The following PEPD variants were observed in gnomAD, a reference collection of about 807,000 sequenced individuals.
PEPD encodes the protein xaa-Pro dipeptidase.
A neutral mutation model predicts 60.7 loss-of-function variants in PEPD; 53 were observed. The ratio of observed to expected loss-of-function variants is 0.87; its 90% CI spans 0.70 to 1.10. The LOEUF (loss-of-function observed/expected upper bound fraction) is 1.10. Among genes scored for constraint, PEPD ranks in the 50% least tolerant of loss-of-function variants. PEPD has a pLI of 0.00. For missense variants in PEPD, 711 were observed against 711.9 expected, an observed-to-expected ratio of 1.00 and a Z score of 0.01; for synonymous variants, 267 against 284.1, an observed-to-expected ratio of 0.94 and a Z score of 0.60.
chr19:33,450,234 C>T (rs1383972392), intron 9 of PEPD, among the ~76,000 whole-genome samples: 4 of 152,218 alleles, frequency 2.6e-5, no homozygotes, highest in African/African-American at 9.6e-5. Context: ...GCTAAGCAAG[C>T]CCCGGCTTGT....
chr19:33,456,053 C>T (rs1026973867), intron 9 of PEPD, among the ~76,000 whole-genome samples: 1 of 152,178 alleles, frequency 6.6e-6, no homozygotes, highest in African/African-American at 2.4e-5. Context: ...TGGCTGGACA[C>T]CAAGTTGGTT....
At chr19:33,514,940 C>G (rs1253317428) in intron 1 of PEPD, among the ~76,000 whole-genome samples, 2 of 152,110 alleles carry the variant, frequency 1.3e-5, no homozygotes, top group Non-Finnish European at 2.9e-5. Flanking sequence ...TCCTTAGTGG[C>G]CCCCTGGAGT....
chr19:33,507,722 G>A (rs764995940), intron 3 of PEPD, among the ~76,000 whole-genome samples: 10 of 152,128 alleles, frequency 6.6e-5, no homozygotes, highest in Non-Finnish European at 1.0e-4. Flanking sequence ...TTCCAGGAGC[G>A]GCTGGAAGCA....
At chr19:33,413,778 A>C in intron 9 of PEPD, 135 bp from the exon 10 acceptor site, 1 of 663,518 alleles carries the variant, frequency 1.5e-6, no homozygotes, top group South Asian at 1.6e-5. Flanking sequence ...CCAAACTCTC[A>C]GTGTGAGTCT....
At position 33,427,689 on chromosome 19, in the gene PEPD, C is replaced by T. The variant is rs553233046; in HGVS notation, c.672-14046G>A. ...AAATAATCCATTTTTAATTAAAATGCTACCCTCTTTTGGCTTCTGGATATA... is the reference window on the plus strand; with the variant it reads ...AAATAATCCATTTTTAATTAAAATGTTACCCTCTTTTGGCTTCTGGATATA... On this transcript the variant is annotated intron_variant, in intron 9 of 14. Coordinates refer to ENST00000244137, the MANE Select transcript of PEPD (RefSeq NM_000285.4). Among the ~76,000 whole-genome samples the T allele has an allele frequency of 3.3e-5, 5 of 152,288 alleles. No homozygotes were observed. The South Asian group carries it at 1.0e-3, about 32-fold the overall frequency.
chr19:33,478,660 G>A (rs1970264781), intron 6 of PEPD, among the ~76,000 whole-genome samples: 1 of 151,934 alleles, frequency 6.6e-6, no homozygotes, highest in Non-Finnish European at 1.5e-5. Flanking sequence ...AAGGCAGTGG[G>A]ATGACATTTA....
chr19:33,407,030 T>C (rs1331796820), intron 11 of PEPD, among the ~76,000 whole-genome samples: 1 of 152,168 alleles, frequency 6.6e-6, no homozygotes, highest in East Asian at 1.9e-4. Context: ...TGGCCAGTTC[T>C]GGAAGGACAG....
intron 1 of PEPD, among the ~76,000 whole-genome samples, chr19:33,520,323 G>A (rs1971107614): frequency 6.6e-6 from 1 of 152,210 alleles, no homozygotes; most frequent in Non-Finnish European, 1.5e-5. Flanking sequence ...CTGGATTCAA[G>A]GATCTGACCC....
chr19:33,417,293 G>A (rs568227764), intron 9 of PEPD, among the ~76,000 whole-genome samples: 18 of 152,178 alleles, frequency 1.2e-4, no homozygotes, highest in African/African-American at 4.1e-4. Flanking sequence ...AGGCTGGGCC[G>A]GAAACAGAAG....
At chr19:33,401,369 G>T (rs577998869) in intron 12 of PEPD, among the ~76,000 whole-genome samples, 10 of 152,374 alleles carry the variant, frequency 6.6e-5, no homozygotes, top group African/African-American at 2.4e-4. Context: ...CCCCATGCCA[G>T]TGTCCAGAGT....
chr19:33,431,004 T>G (rs150972405), intron 9 of PEPD, among the ~76,000 whole-genome samples: 17 of 152,070 alleles, frequency 1.1e-4, no homozygotes, highest in African/African-American at 3.4e-4. Flanking sequence ...GCTCAGCACT[T>G]TGGGAGGCTG....
chr19:33,417,541 G>T (rs1968915595), intron 9 of PEPD, among the ~76,000 whole-genome samples: 1 of 152,228 alleles, frequency 6.6e-6, no homozygotes, highest in South Asian at 2.1e-4. Flanking sequence ...GCCTCTCCGT[G>T]CCTCAGTTTC....
intron 7 of PEPD, among the ~76,000 whole-genome samples, chr19:33,467,550 T>A (rs75327242): frequency 0.091 from 13,815 of 152,036 alleles, 657 homozygotes; most frequent in East Asian, 0.13. Context: ...AAAGGCAAGA[T>A]GGGGTGGAAA....
chr19:33,498,680 T>C (rs1235363495), intron 4 of PEPD, among the ~76,000 whole-genome samples: 1 of 147,994 alleles, frequency 6.8e-6, no homozygotes, highest in African/African-American at 2.5e-5. Context: ...TCCACCAGGA[T>C]CCTTGAGACA....
At chr19:33,420,400 A>C (rs1799988784) in intron 9 of PEPD, among the ~76,000 whole-genome samples, 1 of 152,172 alleles carries the variant, frequency 6.6e-6, no homozygotes, top group African/African-American at 2.4e-5. Context: ...TTTAATAATT[A>C]TTTTAAAAAT....
chr19:33,484,968 T>C (rs1255111876), intron 6 of PEPD, among the ~76,000 whole-genome samples: 2 of 152,216 alleles, frequency 1.3e-5, no homozygotes, highest in African/African-American at 4.8e-5. Context: ...CCACTGGGCC[T>C]GTGAGGGTAG....
intron 6 of PEPD, 42 bp downstream of exon 6, chr19:33,489,954 G>C: frequency 2.5e-6 from 3 of 1,189,100 alleles, no homozygotes; most frequent in Non-Finnish European, 3.7e-6. Flanking sequence ...AGGTGGGAGT[G>C]GGGGATGGTG....
chr19:33,449,407 A>G (rs1969654565), intron 9 of PEPD, among the ~76,000 whole-genome samples: 1 of 152,112 alleles, frequency 6.6e-6, no homozygotes, highest in Admixed American at 6.5e-5. Context: ...ATGAGAGGAA[A>G]CCTAAAAAGA....
At chr19:33,499,594 C>T (rs1199800934) in intron 4 of PEPD, among the ~76,000 whole-genome samples, 4 of 152,190 alleles carry the variant, frequency 2.6e-5, no homozygotes, top group East Asian at 1.9e-4. Flanking sequence ...GCAGGGTGCA[C>T]ATCAGAACAC....
Sources: gnomAD v4.1 joint callset for allele counts (sites outside exome capture counted in the v4.1 genomes callset) on GRCh38, gnomAD v4.1.1 for gene constraint, MANE v1.5 for transcripts, NCBI Gene and HGNC (gene_info 2026-07-23, HGNC 2026-07-21) for gene names.